PARD3B: variants seen among roughly 807,000 people sequenced by gnomAD.
PARD3B encodes partitioning defective 3 homolog B.
In PARD3B, 103 loss-of-function variants were observed where a neutral mutation model predicts 130.2. The observed-to-expected ratio is 0.79, with a 90% CI of 0.67 to 0.93. The LOEUF (loss-of-function observed/expected upper bound fraction) is 0.93, where lower values mean the gene tolerates loss of function less well. Among genes scored for constraint, PARD3B ranks in the 40% least tolerant of loss-of-function variants. The pLI is 0.00. For synonymous variants in PARD3B, 583 were observed against 553.2 expected (o/e 1.05, Z -0.76); for missense variants, 1,609 against 1,499.2 (o/e 1.07, Z -1.21).
chr2:204,725,734 C>A (rs1470690588), intron 2 of PARD3B, among the ~76,000 whole-genome samples: 1 of 152,116 alleles, frequency 6.6e-6, no homozygotes, highest in African/African-American at 2.4e-5. Context: ...GTTAGGGTAT[C>A]CTTGTGAGAC....
intron 22 of PARD3B, among the ~76,000 whole-genome samples, chr2:205,587,787 G>A (rs1407409837): frequency 1.3e-5 from 2 of 152,242 alleles, no homozygotes; most frequent in Non-Finnish European, 2.9e-5. Context: ...AAAAGAGCTA[G>A]TGAGCTATTT....
intron 16 of PARD3B, among the ~76,000 whole-genome samples, chr2:205,247,265 G>T (rs2125922054): frequency 6.6e-6 from 1 of 152,182 alleles, no homozygotes; most frequent in African/African-American, 2.4e-5. Flanking sequence ...CTACTATTAG[G>T]TGGCAATTAA....
chr2:205,443,643 C>G (rs982703900), intron 20 of PARD3B, among the ~76,000 whole-genome samples: 6 of 152,270 alleles, frequency 3.9e-5, no homozygotes, highest in Middle Eastern at 3.4e-3. Context: ...GTTTTCTTTG[C>G]AGAATAATTA....
chr2:204,777,612 T>A (rs1406007382), intron 2 of PARD3B, among the ~76,000 whole-genome samples: 1 of 151,776 alleles, frequency 6.6e-6, no homozygotes, highest in Non-Finnish European at 1.5e-5. Context: ...TACAAAAAAT[T>A]AAAAAAATTA....
In PARD3B at chr2:204,623,195, G is replaced by A. The variant is rs954042421; in HGVS notation, c.121-62986G>A. Among the ~76,000 whole-genome samples the A allele has an allele frequency of 6.6e-6, 1 of 152,030 alleles. No individual in the cohort carries two copies. On this transcript the variant is annotated intron_variant, in intron 1 of 22. Coordinates refer to ENST00000406610, the MANE Select transcript of PARD3B (RefSeq NM_001302769.2). The surrounding 1 kb of genome is among the most constrained non-coding windows in gnomAD (Gnocchi z 4.5). The stretch of plus-strand genomic sequence containing the variant: ...ACAGGAAATTTCAAAGATACCACAG[G>A]GAGGTCCCACATACTATTCACCCAG...
At chr2:204,820,492 T>C (rs1418882801) in intron 2 of PARD3B, among the ~76,000 whole-genome samples, 2 of 152,042 alleles carry the variant, frequency 1.3e-5, no homozygotes, top group African/African-American at 4.8e-5. Flanking sequence ...GCTGACTCTC[T>C]TGTTAGGGAT....
At position 205,062,957 on chromosome 2, in the gene PARD3B, T is replaced by G. The variant is rs138818866; in HGVS notation, c.504+15267T>G. 8.5e-3 allele frequency among the ~76,000 whole-genome samples: 1,291 copies of G among 152,220 alleles called. 10 individuals carry two copies. Among genetic ancestry groups the G allele is most frequent in the African/African-American group, 0.029 (1,193 of 41,560 alleles). On this transcript the variant is annotated intron_variant, in intron 4 of 22. Coordinates refer to ENST00000406610, the MANE Select transcript of PARD3B (RefSeq NM_001302769.2). ...CATCCTTCCAAGTCAGCTTCTTTCATTTTAAATATAGTTGCAGTGGGGGTG... is the reference window on the plus strand; with the variant it reads ...CATCCTTCCAAGTCAGCTTCTTTCAGTTTAAATATAGTTGCAGTGGGGGTG...
intron 2 of PARD3B, among the ~76,000 whole-genome samples, chr2:204,773,077 A>G (rs539838306): frequency 2.0e-5 from 3 of 152,150 alleles, no homozygotes; most frequent in South Asian, 4.1e-4. Flanking sequence ...GGGTAGATTT[A>G]TGAATAATAT....
At chr2:205,133,494 A>G (rs2032199502) in intron 10 of PARD3B, among the ~76,000 whole-genome samples, 1 of 152,166 alleles carries the variant, frequency 6.6e-6, no homozygotes, top group South Asian at 2.1e-4. Flanking sequence ...AGCCTTCCAG[A>G]TAATTCTGGT....
intron 11 of PARD3B, among the ~76,000 whole-genome samples, chr2:205,170,791 T>TC (rs372200105): frequency 0.11 from 17,248 of 150,948 alleles, 1,387 homozygotes; most frequent in Non-Finnish European, 0.17. Flanking sequence ...CTTTTTTTTT[T>TC]CTTTTACTTT....
At chr2:205,327,360 T>C (rs2042971869) in intron 18 of PARD3B, among the ~76,000 whole-genome samples, 1 of 152,242 alleles carries the variant, frequency 6.6e-6, no homozygotes. Flanking sequence ...TGGTCTTTGG[T>C]ACATTATAGA....
chr2:204,567,181 C>G (rs2031726968), intron 1 of PARD3B, among the ~76,000 whole-genome samples: 1 of 152,134 alleles, frequency 6.6e-6, no homozygotes, highest in Non-Finnish European at 1.5e-5. Flanking sequence ...TGCCCAGGCT[C>G]TAATCCTCCT....
intron 2 of PARD3B, among the ~76,000 whole-genome samples, chr2:204,790,637 A>G (rs113321845): frequency 0.044 from 6,776 of 152,282 alleles, 228 homozygotes; most frequent in African/African-American, 0.091. Flanking sequence ...GTAGACCCGT[A>G]TGGATGAGGC....
At chr2:204,612,200 A>C (rs1457511251) in intron 1 of PARD3B, among the ~76,000 whole-genome samples, 1 of 152,264 alleles carries the variant, frequency 6.6e-6, no homozygotes, top group African/African-American at 2.4e-5. Context: ...CCAGCTCAGC[A>C]GCAGCTGGTT....
At position 205,401,068 on chromosome 2, in the gene PARD3B, A is replaced by T; in HGVS notation, c.2686A>T (p.Lys896Ter). The change falls in exon 19 of 23, where the codon AAA (lysine) becomes TAA (stop). Residue 896 changes from lysine to a stop codon, truncating the protein, a stop_gained. Transcript: ENST00000406610. LOFTEE classifies it high-confidence loss of function. The stretch of plus-strand genomic sequence containing the variant: ...AAAGGCTGAGCAGAAAGGTACTCTG[A>T]AACATGGTGGCCTGAGAGAAGAAGA... ...GGKAEQKGTL[K>*]HGGLREEELE... The T allele has an allele frequency of 6.2e-7, 1 of 1,604,358 alleles. No homozygotes were observed. The highest frequency in any genetic ancestry group is 8.5e-7 in the Non-Finnish European group (1 of 1,175,596).
At chr2:204,701,178 G>A (rs192344447) in intron 2 of PARD3B, among the ~76,000 whole-genome samples, 1 of 152,032 alleles carries the variant, frequency 6.6e-6, no homozygotes, top group African/African-American at 2.4e-5. Flanking sequence ...GTTTGAATGG[G>A]GATTTTTAGC....
At chr2:205,154,446 T>A (rs1022407238) in intron 10 of PARD3B, among the ~76,000 whole-genome samples, 1 of 152,176 alleles carries the variant, frequency 6.6e-6, no homozygotes, top group African/African-American at 2.4e-5. Context: ...TACACTGTTG[T>A]GGGACTGTAA....
intron 3 of PARD3B, among the ~76,000 whole-genome samples, chr2:205,005,664 G>A (rs1487949050): frequency 6.6e-6 from 1 of 152,066 alleles, no homozygotes; most frequent in African/African-American, 2.4e-5. Flanking sequence ...ATATGGTGAA[G>A]GTAATGTAGG....
chr2:204,796,889 C>G (rs1395052446), intron 2 of PARD3B, among the ~76,000 whole-genome samples: 1 of 151,998 alleles, frequency 6.6e-6, no homozygotes, highest in Non-Finnish European at 1.5e-5. Context: ...TTAAACTATT[C>G]ATTAGATTAA....
Sources: allele counts gnomAD v4.1 joint callset (sites outside exome capture counted in the v4.1 genomes callset), GRCh38; gene constraint gnomAD v4.1.1; non-coding constraint Gnocchi (gnomAD v3.1); transcripts MANE v1.5; gene names NCBI Gene and HGNC (gene_info 2026-07-23, HGNC 2026-07-21).